The following RIC8B variants were observed in gnomAD, a reference collection of about 807,000 sequenced individuals.
The protein encoded by RIC8B is chaperone Ric-8B.
In RIC8B, 16 loss-of-function variants were observed where a neutral mutation model predicts 57.5. The ratio of observed to expected loss-of-function variants is 0.28; its 90% CI spans 0.19 to 0.42. The LOEUF (loss-of-function observed/expected upper bound fraction) is 0.42, where lower values mean the gene tolerates loss of function less well. Ranked by LOEUF, RIC8B falls within the 10% of genes least tolerant of loss-of-function variation. The probability of loss-of-function intolerance (pLI) is 1.00; values close to 1 mark genes in which losing one functional copy is unlikely to be tolerated. For synonymous variants in RIC8B, 216 were observed against 250.8 expected, an observed-to-expected ratio of 0.86 and a Z score of 1.31; for missense variants, 481 against 677.0, an observed-to-expected ratio of 0.71 and a Z score of 3.21.
In RIC8B at chr12:106,881,081, G is replaced by A. The variant is rs1333557955; in HGVS notation, c.1572-4823G>A. On this transcript the variant is annotated intron_variant, in intron 9 of 9. Transcript: ENST00000392837. The stretch of plus-strand genomic sequence containing the variant: ...CTTATTGAGGATCTGCTATCTGCAA[G>A]GCACTGTGCTAGACACATAGGGATA... Among the ~76,000 whole-genome samples the A allele has an allele frequency of 2.2e-4, 34 of 152,198 alleles. 1 individual carries two copies. The highest frequency in any genetic ancestry group is 8.8e-5 in the Non-Finnish European group (6 of 68,030).
intron 4 of RIC8B, among the ~76,000 whole-genome samples, chr12:106,833,696 A>G (rs2046459578): frequency 6.6e-6 from 1 of 152,202 alleles, no homozygotes; most frequent in South Asian, 2.1e-4. Context: ...GTGGCTTTGA[A>G]CTATCATTAG....
chr12:106,802,572 A>G (rs914791082), intron 2 of RIC8B, among the ~76,000 whole-genome samples: 2 of 125,982 alleles, frequency 1.6e-5, no homozygotes, highest in African/African-American at 3.0e-5. Flanking sequence ...AAGTAGAACC[A>G]TGTTTAAGGA....
In RIC8B at chr12:106,860,416, T is replaced by A. The variant is rs1375811159; in HGVS notation, c.1451+4T>A. 2.0e-6 allele frequency: 3 copies of A among 1,535,910 alleles called. No homozygotes were observed. Among genetic ancestry groups the A allele is most frequent in the Non-Finnish European group, 2.6e-6 (3 of 1,140,774 alleles). ...AATACAAAAATGCAAAACCAAAGTA[T>A]AGTATCAAATTTCTTTTCACCTAAC... is the stretch of plus-strand genomic sequence containing the variant. On this transcript the variant is annotated splice_donor_region_variant and intron_variant, in intron 8 of 9. Coordinates refer to ENST00000392837, the MANE Select transcript of RIC8B (RefSeq NM_001330145.2).
chr12:106,830,288 C>T (rs1393388310), intron 4 of RIC8B, among the ~76,000 whole-genome samples: 1 of 152,170 alleles, frequency 6.6e-6, no homozygotes, highest in Non-Finnish European at 1.5e-5. Flanking sequence ...TTTAACAATA[C>T]TGTCTTCTAA....
At chr12:106,787,885 C>G (rs2044105662) in intron 2 of RIC8B, among the ~76,000 whole-genome samples, 1 of 152,090 alleles carries the variant, frequency 6.6e-6, no homozygotes, top group African/African-American at 2.4e-5. Flanking sequence ...ATCTCATGTT[C>G]TCACATTTCA....
intron 4 of RIC8B, among the ~76,000 whole-genome samples, chr12:106,835,418 T>C (rs1392938833): frequency 6.6e-6 from 1 of 152,242 alleles, no homozygotes; most frequent in East Asian, 1.9e-4. Context: ...TAGTGGAATA[T>C]GTCTGCTGTT....
At chr12:106,865,791 G>A (rs183989054) in intron 8 of RIC8B, among the ~76,000 whole-genome samples, 4 of 152,170 alleles carry the variant, frequency 2.6e-5, no homozygotes, top group East Asian at 1.9e-4. Context: ...CTGTTCAGAC[G>A]TCCTCGCAGT....
intron 2 of RIC8B, among the ~76,000 whole-genome samples, chr12:106,806,727 G>T (rs1009568941): frequency 6.6e-6 from 1 of 152,118 alleles, no homozygotes; most frequent in Non-Finnish European, 1.5e-5. Context: ...CTACTTGAGA[G>T]GCTGAGACAG....
chr12:106,869,519 A>C (rs543547486), intron 8 of RIC8B, among the ~76,000 whole-genome samples: 1 of 151,804 alleles, frequency 6.6e-6, no homozygotes, highest in Admixed American at 6.6e-5. Flanking sequence ...CACATTGTGT[A>C]TATTTGACCC....
At chr12:106,874,521 C>T in intron 9 of RIC8B, 1 of 1,551,298 alleles carries the variant, frequency 6.4e-7, no homozygotes. Flanking sequence ...TGGTGGTTAG[C>T]AACAGTGGCC....
At chr12:106,781,238 C>T (rs2043750229) in intron 1 of RIC8B, among the ~76,000 whole-genome samples, 2 of 152,132 alleles carry the variant, frequency 1.3e-5, no homozygotes, top group Non-Finnish European at 2.9e-5. Context: ...GTGTGAGCCA[C>T]CATGCCCGGC....
chr12:106,801,828 A>G (rs1009615108), intron 2 of RIC8B, among the ~76,000 whole-genome samples: 2 of 152,258 alleles, frequency 1.3e-5, no homozygotes, highest in Non-Finnish European at 2.9e-5. Flanking sequence ...TGGAACTGAC[A>G]ACATTGTCCC....
intron 8 of RIC8B, among the ~76,000 whole-genome samples, chr12:106,861,300 G>C (rs184236712): frequency 6.6e-6 from 1 of 151,962 alleles, no homozygotes; most frequent in African/African-American, 2.4e-5. Flanking sequence ...ATAGGTGTTC[G>C]AGGATAGACT....
intron 7 of RIC8B, among the ~76,000 whole-genome samples, chr12:106,858,147 A>G (rs1413069928): frequency 6.6e-6 from 1 of 152,128 alleles, no homozygotes; most frequent in Non-Finnish European, 1.5e-5. Flanking sequence ...GGCTTTTCAT[A>G]ACCTTTGCAT....
At chr12:106,829,816 C>T (rs1303469851) in intron 4 of RIC8B, among the ~76,000 whole-genome samples, 3 of 152,168 alleles carry the variant, frequency 2.0e-5, no homozygotes, top group Non-Finnish European at 4.4e-5. Context: ...TGCTTTAAAT[C>T]TTGTCATGGC....
chr12:106,866,739 G>C (rs940395782), intron 8 of RIC8B, among the ~76,000 whole-genome samples: 3 of 152,116 alleles, frequency 2.0e-5, no homozygotes, highest in South Asian at 2.1e-4. Flanking sequence ...AGATATTTTA[G>C]ATGAAAATCT....
chr12:106,883,165 C>T (rs1951029088), intron 9 of RIC8B, among the ~76,000 whole-genome samples: 1 of 152,084 alleles, frequency 6.6e-6, no homozygotes, highest in South Asian at 2.1e-4. Context: ...GTCCCATCTG[C>T]CAATCCTACT....
chr12:106,778,957 A>G (rs2043617184), intron 1 of RIC8B, among the ~76,000 whole-genome samples: 1 of 152,204 alleles, frequency 6.6e-6, no homozygotes. Flanking sequence ...TTGTTGCCCC[A>G]GGCTGGAGTG....
In RIC8B at chr12:106,879,057, G is replaced by C; in HGVS notation, c.1572-6847G>C. 1 of 985,736 alleles carries C rather than the reference G, an allele frequency of 1.0e-6. No individual in the cohort carries two copies. Among genetic ancestry groups the C allele is most frequent in the Non-Finnish European group, 1.2e-6 (1 of 829,922 alleles). The allele number at this position is 985,736 out of a possible 1,614,324, so 61.1% of individuals were successfully genotyped here. On this transcript the variant is annotated intron_variant, in intron 9 of 9. Transcript: ENST00000392837. The surrounding 1 kb of genome is among the most constrained non-coding windows in gnomAD (Gnocchi z 4.9). ...GAGCAGACAAGAAAGAAGAGCCCTTGAAAACAAGGGAATGATTTTTGAGTC... is the reference window on the plus strand; with the variant it reads ...GAGCAGACAAGAAAGAAGAGCCCTTCAAAACAAGGGAATGATTTTTGAGTC...
Sources: allele counts gnomAD v4.1 joint callset (sites outside exome capture counted in the v4.1 genomes callset), GRCh38; gene constraint gnomAD v4.1.1; non-coding constraint Gnocchi (gnomAD v3.1); transcripts MANE v1.5; gene names NCBI Gene and HGNC (gene_info 2026-07-23, HGNC 2026-07-21).